Variants in MPP7 observed in about 807,000 individuals in gnomAD.
MPP7 encodes MAGUK p55 scaffold protein 7, also known as MAGUK p55 subfamily member 7.
Under a neutral mutation model 76.5 loss-of-function variants are expected in MPP7, and 60 were observed. The ratio of observed to expected loss-of-function variants is 0.78; its 90% CI spans 0.64 to 0.97. The LOEUF (loss-of-function observed/expected upper bound fraction) is 0.97. Ranked by LOEUF, MPP7 falls within the 50% of genes least tolerant of loss-of-function variation. The pLI is 0.00. For synonymous variants in MPP7, 237 were observed against 244.5 expected, an observed-to-expected ratio of 0.97 and a Z score of 0.29; for missense variants, 641 against 694.0, an observed-to-expected ratio of 0.92 and a Z score of 0.86.
At position 28,069,851 on chromosome 10, in the gene MPP7, A is replaced by G; in HGVS notation, c.1125T>C (p.Gly375=). The part of the protein sequence containing the change: ...NEKYRLVVLV[G]PVGVGLNELK... ...GTTCATTCAGCCCTACTCCCACGGG[A>G]CCTGAAAAACAGGGTAACAGAAATT... Residue 375 remains glycine, a splice_region_variant and synonymous_variant, in exon 13 of 17, where the codon GGT becomes GGC. Coordinates refer to ENST00000683449, the MANE Select transcript of MPP7 (RefSeq NM_001318170.2). 6.2e-7 allele frequency: 1 copy of G among 1,613,314 alleles called. No individual in the cohort carries two copies. Among genetic ancestry groups the G allele is most frequent in the Non-Finnish European group, 8.5e-7 (1 of 1,179,516 alleles).
At chr10:28,292,524 T>C (rs1351117877) in intron 1 of MPP7, among the ~76,000 whole-genome samples, 1 of 152,068 alleles carries the variant, frequency 6.6e-6, no homozygotes, top group East Asian at 1.9e-4. Context: ...ACTCGGGATA[T>C]AGATCAGTGT....
chr10:28,327,185 G>A (rs182520317), intron 2 of MPP7, among the ~76,000 whole-genome samples: 194 of 147,758 alleles, frequency 1.3e-3, no homozygotes, highest in Middle Eastern at 3.4e-3. Context: ...TAGGAACTGG[G>A]AAGTCTTAGA....
intron 2 of MPP7, among the ~76,000 whole-genome samples, chr10:28,238,311 C>T (rs1839146468): frequency 6.6e-6 from 1 of 152,090 alleles, no homozygotes; most frequent in Admixed American, 6.5e-5. Context: ...AAATTAAATG[C>T]ACAGAATTAT....
intron 2 of MPP7, among the ~76,000 whole-genome samples, chr10:28,211,281 A>T (rs1838125733): frequency 6.6e-6 from 1 of 152,004 alleles, no homozygotes; most frequent in Non-Finnish European, 1.5e-5. Flanking sequence ...CCTTACAGAT[A>T]AAGGTATATG....
At chr10:28,100,848 A>G (rs11006868) in intron 11 of MPP7, among the ~76,000 whole-genome samples, 1 of 152,044 alleles carries the variant, frequency 6.6e-6, no homozygotes, top group African/African-American at 2.4e-5. Flanking sequence ...GATACCACTT[A>G]CAATTCGTTT....
chr10:28,066,067 A>C (rs890002052), intron 13 of MPP7, among the ~76,000 whole-genome samples: 3 of 152,188 alleles, frequency 2.0e-5, no homozygotes, highest in African/African-American at 7.2e-5. Context: ...TTGCTTTTCA[A>C]GGAGGAAATT....
intron 2 of MPP7, among the ~76,000 whole-genome samples, chr10:28,229,752 G>C (rs952814103): frequency 2.0e-5 from 3 of 152,098 alleles, no homozygotes; most frequent in Non-Finnish European, 4.4e-5. Context: ...AGCCAGGCGT[G>C]GTGGCAGGCG....
intron 2 of MPP7, among the ~76,000 whole-genome samples, chr10:28,224,390 C>T (rs1309585486): frequency 6.6e-6 from 1 of 151,360 alleles, no homozygotes; most frequent in Non-Finnish European, 1.5e-5. Flanking sequence ...AAACTGAAGA[C>T]TGCAAATTTT....
rs577325597 is a variant in MPP7 at position 28,274,367 on chromosome 10, G to A, written c.-132+28494C>T. 5.9e-5 allele frequency among the ~76,000 whole-genome samples: 9 copies of A among 151,704 alleles called. No individual in the cohort carries two copies. The East Asian group carries it at 1.8e-3, about 30-fold the overall frequency. On this transcript the variant is annotated intron_variant, in intron 1 of 16. Transcript: ENST00000683449. ...GCCCACCTCGGCCTCCCAAAGTGCT[G>A]GGATTACAGGCATAAGCCACCGCGC...
At position 28,226,991 on chromosome 10, in the gene MPP7, T is replaced by A. The variant is rs1475642887; in HGVS notation, c.37+11577A>T. Among the ~76,000 whole-genome samples the A allele has an allele frequency of 3.3e-5, 5 of 152,238 alleles. No individual in the cohort carries two copies. In the East Asian group the frequency reaches 9.6e-4, roughly 29 times the overall value. On this transcript the variant is annotated intron_variant, in intron 2 of 16. Transcript: ENST00000683449. ...TTACCATTAAAGGAAGCTACTGATA[T>A]GACAAACATTGAGGCATACTCTCTG... is the stretch of plus-strand genomic sequence containing the variant.
intron 2 of MPP7, among the ~76,000 whole-genome samples, chr10:28,202,597 T>C (rs1837815350): frequency 6.6e-6 from 1 of 152,194 alleles, no homozygotes; most frequent in African/African-American, 2.4e-5. Context: ...TTAATCATTA[T>C]TACATTTCCC....
intron 11 of MPP7, among the ~76,000 whole-genome samples, chr10:28,100,966 A>ATTTGAAGCTCT (rs1853798212): frequency 1.3e-5 from 2 of 152,146 alleles, no homozygotes; most frequent in South Asian, 4.1e-4. Flanking sequence ...GCTCTTACTT[A>ATTTGAAGCTCT]TACCTTCAAA....
chr10:28,105,190 G>A (rs1332476257), intron 11 of MPP7, among the ~76,000 whole-genome samples: 1 of 140,298 alleles, frequency 7.1e-6, no homozygotes, highest in Non-Finnish European at 1.5e-5. Flanking sequence ...CAAAAACCCT[G>A]TCAAAGCCAG....
intron 11 of MPP7, among the ~76,000 whole-genome samples, chr10:28,105,953 C>G (rs1035371425): frequency 5.3e-5 from 8 of 152,186 alleles, no homozygotes; most frequent in Non-Finnish European, 1.2e-4. Flanking sequence ...CCAACACAGT[C>G]TGCAGAGTGT....
At chr10:28,276,374 C>T (rs1410110007) in intron 1 of MPP7, among the ~76,000 whole-genome samples, 1 of 152,022 alleles carries the variant, frequency 6.6e-6, no homozygotes, top group East Asian at 1.9e-4. Flanking sequence ...TACCAAGTAG[C>T]AAGCTATTAT....
chr10:28,302,486 A>T (rs1465871029), intron 1 of MPP7, among the ~76,000 whole-genome samples: 2 of 152,144 alleles, frequency 1.3e-5, no homozygotes, highest in African/African-American at 4.8e-5. Context: ...GCTCCCTTTC[A>T]GTCGGTTCTT....
intron 12 of MPP7, among the ~76,000 whole-genome samples, chr10:28,072,085 C>T (rs1852265580): frequency 6.6e-6 from 1 of 152,034 alleles, no homozygotes; most frequent in South Asian, 2.1e-4. Context: ...ACCAACCTGG[C>T]CAACATGGTC....
chr10:28,133,366 A>G (rs560481425), intron 5 of MPP7, among the ~76,000 whole-genome samples: 1 of 152,252 alleles, frequency 6.6e-6, no homozygotes, highest in South Asian at 2.1e-4. Flanking sequence ...CTTATCTTAC[A>G]CTGCCCTCCT....
intron 2 of MPP7, among the ~76,000 whole-genome samples, chr10:28,320,914 G>A (rs1834363942): frequency 1.3e-5 from 2 of 151,512 alleles, no homozygotes; most frequent in Admixed American, 6.6e-5. Context: ...CTTCTTAACT[G>A]TAACAGTGAG....
Sources: allele counts gnomAD v4.1 joint callset (sites outside exome capture counted in the v4.1 genomes callset), GRCh38; gene constraint gnomAD v4.1.1; transcripts MANE v1.5; gene names NCBI Gene and HGNC (gene_info 2026-07-23, HGNC 2026-07-21).